FGFR1OP2: variants seen among roughly 807,000 people sequenced by gnomAD.
FGFR1OP2 encodes fibroblast growth factor receptor 1 oncogene partner 2.
In FGFR1OP2, 17 loss-of-function variants were observed where a neutral mutation model predicts 35.2. That is an observed-to-expected ratio of 0.48 (90% CI 0.33 to 0.73). The LOEUF is 0.73. FGFR1OP2 is among the 30% of genes least tolerant of loss of function. The probability of loss-of-function intolerance (pLI) is 0.02; values close to 1 mark genes in which losing one functional copy is unlikely to be tolerated. For missense variants in FGFR1OP2, 251 were observed against 307.3 expected (o/e 0.82, Z 1.37); for synonymous variants, 105 against 104.6 (o/e 1.00, Z -0.03).
intron 6 of FGFR1OP2, among the ~76,000 whole-genome samples, chr12:26,963,913 T>C (rs2136362491): frequency 6.6e-6 from 1 of 152,286 alleles, no homozygotes; most frequent in South Asian, 2.1e-4. Context: ...CAATAGACTT[T>C]TATGCCTTAA....
At chr12:26,958,469 G>A (rs1043415831) in intron 4 of FGFR1OP2, among the ~76,000 whole-genome samples, 1 of 152,180 alleles carries the variant, frequency 6.6e-6, no homozygotes, top group Non-Finnish European at 1.5e-5. Flanking sequence ...TCTGAAAGCA[G>A]TTTAATGTAG....
At chr12:26,945,233 T>C (rs1383823223) in intron 1 of FGFR1OP2, among the ~76,000 whole-genome samples, 1 of 152,126 alleles carries the variant, frequency 6.6e-6, no homozygotes, top group Non-Finnish European at 1.5e-5. Flanking sequence ...CTACTCTTTA[T>C]TATTTCTTTC....
chr12:26,951,424 A>G (rs1036139671), intron 1 of FGFR1OP2, among the ~76,000 whole-genome samples: 1 of 152,128 alleles, frequency 6.6e-6, no homozygotes, highest in Non-Finnish European at 1.5e-5. Context: ...AGTTCAAGCA[A>G]TTCTCTTGCC....
chr12:26,941,864 G>A (rs955583636), intron 1 of FGFR1OP2, among the ~76,000 whole-genome samples: 4 of 151,516 alleles, frequency 2.6e-5, no homozygotes, highest in East Asian at 1.9e-4. Flanking sequence ...ACTTTTTTTC[G>A]TTTTCCACCT....
rs369499750 is a variant in FGFR1OP2 at position 26,964,680 on chromosome 12, A to G, written c.709A>G (p.Thr237Ala). ...NLRKDDASES[T>A]SLSALVTNSD... is the part of the protein sequence containing the mutation. ...AAGGAAAGATGATGCGTCGGAAAGTACTTCTTTGTCAGCATTAGTGACCAA... is the reference window on the plus strand; with the variant it reads ...AAGGAAAGATGATGCGTCGGAAAGTGCTTCTTTGTCAGCATTAGTGACCAA... Residue 237 changes from threonine (T) to alanine (A), a missense_variant, in exon 7 of 7, where the codon ACT becomes GCT. By Grantham distance (58) the Thr-to-Ala change is moderately conservative. Transcript: ENST00000229395. 4 of 1,612,092 alleles carry G rather than the reference A, an allele frequency of 2.5e-6. No individual in the cohort carries two copies. The African/African-American group carries it at 5.3e-5, about 22-fold the overall frequency.
chr12:26,963,261 A>C, intron 5 of FGFR1OP2, 81 bp from the exon 6 acceptor site: 191 of 710,744 alleles, frequency 2.7e-4, no homozygotes, highest in Non-Finnish European at 4.2e-4. Context: ...GTTAAGTGGT[A>C]CTGCAGATTT....
intron 1 of FGFR1OP2, among the ~76,000 whole-genome samples, chr12:26,949,868 C>G (rs1394632070): frequency 6.6e-6 from 1 of 152,142 alleles, no homozygotes; most frequent in Non-Finnish European, 1.5e-5. Context: ...GAGTGAGCCA[C>G]CGTGCCTGGC....
chr12:26,956,508 G>A (rs1481053122), intron 2 of FGFR1OP2, 35 bp from the exon 3 acceptor site: 4 of 693,862 alleles, frequency 5.8e-6, no homozygotes, highest in African/African-American at 1.9e-5. Flanking sequence ...ATATTTGCAG[G>A]TATTTTCATC....
intron 1 of FGFR1OP2, among the ~76,000 whole-genome samples, 197 bp downstream of exon 1, chr12:26,938,907 T>C (rs1321534273): frequency 3.3e-5 from 5 of 152,102 alleles, no homozygotes; most frequent in African/African-American, 1.2e-4. Flanking sequence ...GAGCTCCTCT[T>C]AATGGAGATG....
At chr12:26,953,230 C>G (rs1467549437) in intron 1 of FGFR1OP2, among the ~76,000 whole-genome samples, 1 of 138,236 alleles carries the variant, frequency 7.2e-6, no homozygotes, top group Non-Finnish European at 1.5e-5. Flanking sequence ...CGCCGCTGCA[C>G]TCCAGCCAGC....
At chr12:26,962,464 T>C (rs1417734984) in intron 5 of FGFR1OP2, 2 of 152,198 alleles carry the variant, frequency 1.3e-5, no homozygotes, top group Non-Finnish European at 2.9e-5. Flanking sequence ...ATAAAATACC[T>C]CTCAGTTGCT....
At chr12:26,963,304 T>C (rs761932129) in intron 5 of FGFR1OP2, 38 bp from the exon 6 acceptor site, 3 of 1,383,320 alleles carry the variant, frequency 2.2e-6, no homozygotes, top group Non-Finnish European at 3.0e-6. Context: ...AATAAAAAAG[T>C]ATTTTGCTGA....
intron 1 of FGFR1OP2, among the ~76,000 whole-genome samples, chr12:26,940,615 G>A (rs1938719594): frequency 6.6e-6 from 1 of 152,110 alleles, no homozygotes; most frequent in Admixed American, 6.6e-5. Context: ...ACCTGAACAT[G>A]AAAAAATTTA....
intron 1 of FGFR1OP2, among the ~76,000 whole-genome samples, chr12:26,942,799 ATTTTC>A (rs1439144337): frequency 2.0e-5 from 3 of 151,682 alleles, no homozygotes; most frequent in South Asian, 2.1e-4. Context: ...TATTTGGGTT[ATTTTC>A]TTATTGTTTT....
At chr12:26,953,079 A>G (rs940424665) in intron 1 of FGFR1OP2, among the ~76,000 whole-genome samples, 7 of 151,882 alleles carry the variant, frequency 4.6e-5, no homozygotes, top group East Asian at 3.9e-4. Context: ...TGGCTAACAC[A>G]GTGAAACCCC....
In FGFR1OP2 at chr12:26,956,591, C is replaced by T. The variant is rs771881615; in HGVS notation, c.184C>T (p.Arg62Trp). The part of the protein sequence containing the change: ...ELNEVARHRP[R>W]STLVMGIQQE... ...TAATGAAGTCGCGAGACATCGGCCA[C>T]GGTCCACGTTAGTTATGGGAATCCA... The change falls in exon 3 of 7, where the codon CGG becomes TGG. Residue 62 changes from arginine to tryptophan, a missense_variant. Coordinates refer to ENST00000229395, the MANE Select transcript of FGFR1OP2 (RefSeq NM_015633.3). 22 of 1,600,702 alleles carry T rather than the reference C, an allele frequency of 1.4e-5. No individual in the cohort carries two copies. The Admixed American group carries it at 1.7e-4, about 13-fold the overall frequency.
intron 1 of FGFR1OP2, among the ~76,000 whole-genome samples, chr12:26,946,433 C>G (rs1480793604): frequency 6.6e-6 from 1 of 152,192 alleles, no homozygotes; most frequent in Non-Finnish European, 1.5e-5. Context: ...ACCTCCACCT[C>G]CCAGCTAGCT....
chr12:26,945,842 CAA>C (rs1386898082), intron 1 of FGFR1OP2, among the ~76,000 whole-genome samples: 1 of 108,912 alleles, frequency 9.2e-6, no homozygotes, highest in East Asian at 2.7e-4. Flanking sequence ...GCCTGGGCAA[CAA>C]GAGTGAAACT....
intron 2 of FGFR1OP2, among the ~76,000 whole-genome samples, chr12:26,954,992 A>T (rs1938995497): frequency 6.6e-6 from 1 of 152,240 alleles, no homozygotes; most frequent in African/African-American, 2.4e-5. Flanking sequence ...TCTATTTTGT[A>T]AAAGGAAGCA....
Sources: gnomAD v4.1 joint callset for allele counts (sites outside exome capture counted in the v4.1 genomes callset) on GRCh38, gnomAD v4.1.1 for gene constraint, MANE v1.5 for transcripts, NCBI Gene and HGNC (gene_info 2026-07-23, HGNC 2026-07-21) for gene names.